The following PHF20L1 variants were observed in gnomAD, a reference collection of about 807,000 sequenced individuals.
PHF20L1 encodes PHD finger protein 20-like protein 1.
In PHF20L1, 44 loss-of-function variants were observed where a neutral mutation model predicts 125.5. The observed-to-expected ratio is 0.35, with a 90% CI of 0.28 to 0.45. The LOEUF is 0.45. Among genes scored for constraint, PHF20L1 ranks in the 20% least tolerant of loss-of-function variants. PHF20L1 has a pLI of 1.00. For synonymous variants in PHF20L1, 380 were observed against 403.1 expected (o/e 0.94, Z 0.69); for missense variants, 1,012 against 1,217.2 (o/e 0.83, Z 2.51).
At chr8:132,811,872 A>T (rs1834429987) in intron 9 of PHF20L1, 1 of 978,990 alleles carries the variant, frequency 1.0e-6, no homozygotes. Context: ...TGTAGTTTTA[A>T]TATATCCTTT....
At chr8:132,840,872 G>A (rs949567233) in intron 18 of PHF20L1, among the ~76,000 whole-genome samples, 4 of 152,048 alleles carry the variant, frequency 2.6e-5, no homozygotes. Context: ...TTAAAATAGG[G>A]CTTGTGTCCT....
chr8:132,824,006 A>G lies in PHF20L1; in HGVS notation c.1582A>G (p.Ile528Val), dbSNP rs756401529. ...DGRGAPAAAG[I>V]SKTEKKVKLE... is the part of the protein sequence containing the mutation. ...CATATTTTTCCCCTAACCCACAGGA[A>G]TATCGAAAACAGAAAAAAAAGTGAA... Residue 528 changes from isoleucine (I) to valine (V), a missense_variant and splice_region_variant, in exon 13 of 21, where the codon ATA (isoleucine) becomes GTA (valine). Ile to Val is a conservative substitution (Grantham distance 29). Transcript: ENST00000395386. The G allele has an allele frequency of 3.2e-6, 5 of 1,585,984 alleles. No homozygotes were observed. The highest frequency in any genetic ancestry group is 3.5e-6 in the Non-Finnish European group (4 of 1,157,588).
chr8:132,827,106 A>G (rs978088211), intron 14 of PHF20L1, among the ~76,000 whole-genome samples: 4 of 151,870 alleles, frequency 2.6e-5, no homozygotes, highest in African/African-American at 9.7e-5. Flanking sequence ...AGTCTTGAAC[A>G]TTTCCGGGCA....
rs1009952610 is a variant in PHF20L1, at chr8:132,775,536, C to T, written c.-147C>T. On this transcript the variant is annotated 5_prime_UTR_variant, in exon 1 of 21. Coordinates refer to ENST00000395386, the MANE Select transcript of PHF20L1 (RefSeq NM_016018.5). ...GCTCGCTCCGCTCCTGCTCCCTCCC[C>T]GGCCGCTGCCTGGGCGGAGGCAGAG... 5.1e-5 allele frequency: 19 copies of T among 371,850 alleles called. No individual in the cohort carries two copies. Among genetic ancestry groups the T allele is most frequent in the African/African-American group, 2.9e-4 (14 of 47,524 alleles). 23.0% of individuals were successfully genotyped at this position (371,850 alleles called of 1,614,324 possible).
At chr8:132,791,932 C>T (rs1010729217) in intron 2 of PHF20L1, among the ~76,000 whole-genome samples, 3 of 152,138 alleles carry the variant, frequency 2.0e-5, no homozygotes, top group Admixed American at 6.5e-5. Flanking sequence ...AACCGTAAGT[C>T]GCTTTAAAAT....
chr8:132,799,005 A>G, intron 5 of PHF20L1, 90 bp from the exon 6 acceptor site: 1 of 1,232,054 alleles, frequency 8.1e-7, no homozygotes, highest in Non-Finnish European at 1.2e-6. Flanking sequence ...CAAGAAAAGG[A>G]AGCTTAGACT....
intron 2 of PHF20L1, among the ~76,000 whole-genome samples, chr8:132,779,117 T>C (rs1830146264): frequency 1.3e-5 from 2 of 152,224 alleles, no homozygotes; most frequent in South Asian, 4.1e-4. Context: ...TGACCTCTTG[T>C]TTTGAGCTCC....
intron 6 of PHF20L1, 80 bp downstream of exon 6, chr8:132,799,252 T>C: frequency 1.3e-6 from 1 of 773,672 alleles, no homozygotes; most frequent in East Asian, 2.7e-5. Flanking sequence ...ATTTTTAATA[T>C]AAAAATTTAC....
Position 132,832,254 on chromosome 8 carries a change from C to T in PHF20L1, c.1764C>T (p.Asp588=). 1.3e-6 allele frequency: 2 copies of T among 1,593,756 alleles called. No homozygotes were observed. Among genetic ancestry groups the T allele is most frequent in the Non-Finnish European group, 1.7e-6 (2 of 1,162,006 alleles). ...TTGCAGACTATTCAGACTATGAAGACAGTTCCCTCGAATTTTTGGAAAGGT... is the reference window on the plus strand; with the variant it reads ...TTGCAGACTATTCAGACTATGAAGATAGTTCCCTCGAATTTTTGGAAAGGT... ...SKQHDYSDYE[D]SSLEFLERCS... Residue 588 remains aspartate, a synonymous_variant, in exon 15 of 21, where the codon GAC becomes GAT. Transcript: ENST00000395386.
intron 8 of PHF20L1, among the ~76,000 whole-genome samples, chr8:132,805,248 T>G (rs1228815411): frequency 2.0e-5 from 3 of 151,924 alleles, no homozygotes; most frequent in Admixed American, 6.6e-5. Context: ...GTTTTTTAAT[T>G]TTTACTCTTC....
chr8:132,802,467 A>T (rs539553833), intron 6 of PHF20L1, among the ~76,000 whole-genome samples: 1 of 151,722 alleles, frequency 6.6e-6, no homozygotes, highest in South Asian at 2.1e-4. Flanking sequence ...TCTGTTCTAT[A>T]GTATTTTGTT....
chr8:132,798,613 G>A (rs1832689351), intron 4 of PHF20L1, among the ~76,000 whole-genome samples, 159 bp from the exon 5 acceptor site: 1 of 151,928 alleles, frequency 6.6e-6, no homozygotes, highest in Non-Finnish European at 1.5e-5. Flanking sequence ...GTTTTTAGAG[G>A]GAGGGAGAAA....
At position 132,807,563 on chromosome 8, in the gene PHF20L1, T is replaced by G. The variant is rs78570061; in HGVS notation, c.847+2823T>G. On this transcript the variant is annotated intron_variant, in intron 8 of 20. Transcript: ENST00000395386. ...TTGACCAGTAGTATGTTATTGATAA[T>G]AATATCAAGAATATTTGATTCTTAG... The G allele has an allele frequency of 9.7e-3, 3,489 of 358,476 alleles. 117 individuals are homozygous for G. The highest frequency in any genetic ancestry group is 0.071 in the African/African-American group (3,280 of 46,338). The allele number at this position is 358,476 out of a possible 1,614,324, so 22.2% of individuals were successfully genotyped here. A position where few individuals can be genotyped will look rare whatever the true frequency, so the allele number is the denominator to read the frequency against.
chr8:132,782,590 CT>C (rs34304431), intron 2 of PHF20L1, among the ~76,000 whole-genome samples: 23 of 147,760 alleles, frequency 1.6e-4, no homozygotes, highest in East Asian at 2.0e-4. Context: ...TTTCTTTTTC[CT>C]TTTTTTTTTG....
At chr8:132,830,088 A>G (rs1357900195) in intron 14 of PHF20L1, among the ~76,000 whole-genome samples, 1 of 152,068 alleles carries the variant, frequency 6.6e-6, no homozygotes, top group African/African-American at 2.4e-5. Context: ...GGTTAAAACC[A>G]AGGTATCAAC....
chr8:132,827,662 G>C (rs1836334277), intron 14 of PHF20L1, among the ~76,000 whole-genome samples: 1 of 151,842 alleles, frequency 6.6e-6, no homozygotes, highest in African/African-American at 2.4e-5. Flanking sequence ...GGAGCAATTA[G>C]GATTAATAGA....
chr8:132,816,876 A>G lies in PHF20L1; in HGVS notation c.1184-12A>G. The stretch of plus-strand genomic sequence containing the variant: ...TGTATCTGCTTCGTGAACATTGAAG[A>G]TCTTTTTCTAGGTCCTCCACAGCCT... On this transcript the variant is annotated splice_polypyrimidine_tract_variant and intron_variant, in intron 10 of 20. Coordinates refer to ENST00000395386, the MANE Select transcript of PHF20L1 (RefSeq NM_016018.5). 1 of 1,593,148 alleles carries G rather than the reference A, an allele frequency of 6.3e-7. No individual in the cohort carries two copies. The highest frequency in any genetic ancestry group is 1.1e-5 in the South Asian group (1 of 90,412).
intron 13 of PHF20L1, 56 bp from the exon 14 acceptor site, chr8:132,825,208 A>G (rs1836033170): frequency 1.3e-6 from 2 of 1,585,618 alleles, no homozygotes; most frequent in Admixed American, 1.7e-5. Flanking sequence ...GGTTAACCAC[A>G]AAGGAACAAC....
intron 4 of PHF20L1, among the ~76,000 whole-genome samples, chr8:132,797,865 A>C (rs550772423): frequency 2.6e-5 from 4 of 152,176 alleles, no homozygotes; most frequent in South Asian, 4.1e-4. Flanking sequence ...ATAAAGACCA[A>C]GTATCTGTTT....
Sources: gnomAD v4.1 joint callset for allele counts (sites outside exome capture counted in the v4.1 genomes callset) on GRCh38, gnomAD v4.1.1 for gene constraint, MANE v1.5 for transcripts, NCBI Gene and HGNC (gene_info 2026-07-23, HGNC 2026-07-21) for gene names.